CNTNAP2: variants seen among roughly 807,000 people sequenced by gnomAD.
CNTNAP2 encodes the protein contactin associated protein 2.
CNTNAP2 carries 98 observed loss-of-function variants against 155.2 expected under a neutral mutation model. That is an observed-to-expected ratio of 0.63 (90% CI 0.54 to 0.75). The LOEUF (loss-of-function observed/expected upper bound fraction) is 0.75. Ranked by LOEUF, CNTNAP2 falls within the 30% of genes least tolerant of loss-of-function variation. The pLI is 0.00. For synonymous variants in CNTNAP2, 651 were observed against 631.2 expected (o/e 1.03, Z -0.47); for missense variants, 1,727 against 1,688.1 (o/e 1.02, Z -0.40).
chr7:146,932,329 C>G (rs1314097952), intron 3 of CNTNAP2, among the ~76,000 whole-genome samples: 283 of 151,304 alleles, frequency 1.9e-3, no homozygotes, highest in African/African-American at 6.0e-3. Context: ...GAACCAAAGA[C>G]AAAAACCACA....
At chr7:146,455,677 C>T (rs955140768) in intron 1 of CNTNAP2, among the ~76,000 whole-genome samples, 2 of 152,272 alleles carry the variant, frequency 1.3e-5, no homozygotes, top group Admixed American at 1.3e-4. Context: ...AATAAAAACT[C>T]ATTTTACAGT....
At chr7:147,711,863 A>T (rs1469723208) in intron 13 of CNTNAP2, among the ~76,000 whole-genome samples, 1 of 152,144 alleles carries the variant, frequency 6.6e-6, no homozygotes, top group African/African-American at 2.4e-5. Flanking sequence ...TATGCTGGGG[A>T]CACTACTTCA....
intron 1 of CNTNAP2, among the ~76,000 whole-genome samples, chr7:146,132,083 A>G (rs925905311): frequency 2.0e-5 from 3 of 152,206 alleles, no homozygotes; most frequent in Non-Finnish European, 4.4e-5. Context: ...CATTGCGAGA[A>G]TGGACTAATA....
intron 3 of CNTNAP2, among the ~76,000 whole-genome samples, chr7:146,840,993 T>A (rs1033153574): frequency 1.3e-5 from 2 of 152,228 alleles, no homozygotes; most frequent in Admixed American, 6.5e-5. Flanking sequence ...AAAATGCCTC[T>A]TTCTAAAATG....
intron 1 of CNTNAP2, among the ~76,000 whole-genome samples, chr7:146,277,071 GT>G (rs1490555795): frequency 6.6e-6 from 1 of 152,088 alleles, no homozygotes; most frequent in African/African-American, 2.4e-5. Flanking sequence ...AGACAGAAAG[GT>G]AGAGGACACA....
At chr7:147,715,039 C>CCCTGAT (rs1422250722) in intron 13 of CNTNAP2, among the ~76,000 whole-genome samples, 5 of 151,952 alleles carry the variant, frequency 3.3e-5, no homozygotes, top group Non-Finnish European at 7.4e-5. Context: ...GAGTAGTATT[C>CCCTGAT]CCTGATATGC....
intron 22 of CNTNAP2, among the ~76,000 whole-genome samples, chr7:148,386,125 T>C (rs558781523): frequency 1.3e-5 from 2 of 152,364 alleles, no homozygotes; most frequent in African/African-American, 2.4e-5. Context: ...GCCTGTGCTA[T>C]GTAACATGAG....
intron 8 of CNTNAP2, among the ~76,000 whole-genome samples, chr7:147,187,545 A>G (rs1472459444): frequency 6.6e-6 from 1 of 152,144 alleles, no homozygotes; most frequent in Non-Finnish European, 1.5e-5. Context: ...CCCACTTGTA[A>G]GTGGGAACTA....
At chr7:147,613,209 G>A (rs1397234466) in intron 12 of CNTNAP2, among the ~76,000 whole-genome samples, 2 of 152,072 alleles carry the variant, frequency 1.3e-5, no homozygotes, top group African/African-American at 2.4e-5. Context: ...AAACCTCATT[G>A]TAGTTCTTCT....
chr7:148,056,675 T>G (rs941617723), intron 15 of CNTNAP2: 1 of 152,140 alleles, frequency 6.6e-6, no homozygotes, highest in African/African-American at 2.4e-5. Context: ...ATTGATGGGG[T>G]AAGTTTTTTT....
chr7:146,663,504 T>C lies in CNTNAP2; in HGVS notation c.98-110767T>C, dbSNP rs188089925. ...TTGACAATCTAACAATATTGAGTCTTCCCAAATATCGGTCTATTATATAGC... is the reference window on the plus strand; with the variant it reads ...TTGACAATCTAACAATATTGAGTCTCCCCAAATATCGGTCTATTATATAGC... On this transcript the variant is annotated intron_variant, in intron 1 of 23. Coordinates refer to ENST00000361727, the MANE Select transcript of CNTNAP2 (RefSeq NM_014141.6). 1.2e-4 allele frequency among the ~76,000 whole-genome samples: 19 copies of C among 152,102 alleles called. No individual in the cohort carries two copies. The East Asian group carries it at 1.9e-3, about 15-fold the overall frequency.
chr7:147,385,586 TC>T (rs1202824777), intron 9 of CNTNAP2, among the ~76,000 whole-genome samples: 1 of 152,242 alleles, frequency 6.6e-6, no homozygotes, highest in African/African-American at 2.4e-5. Context: ...CCAAAATGTG[TC>T]CTTTGACTTC....
intron 3 of CNTNAP2, among the ~76,000 whole-genome samples, chr7:146,887,429 G>A (rs551998209): frequency 2.0e-5 from 3 of 152,132 alleles, no homozygotes; most frequent in Admixed American, 1.3e-4. Context: ...TTGGGAGGCC[G>A]AGGCAGCGGA....
intron 10 of CNTNAP2, among the ~76,000 whole-genome samples, chr7:147,401,687 T>A (rs955571266): frequency 6.6e-6 from 1 of 152,126 alleles, no homozygotes; most frequent in Non-Finnish European, 1.5e-5. Context: ...GGGGGTGGAT[T>A]TCCCCCTTAC....
At chr7:146,131,225 C>A (rs1229761753) in intron 1 of CNTNAP2, among the ~76,000 whole-genome samples, 2 of 152,130 alleles carry the variant, frequency 1.3e-5, no homozygotes, top group African/African-American at 4.8e-5. Context: ...CTATGTTCTA[C>A]TGTTTCAAAA....
At chr7:147,185,227 A>G (rs984051579) in intron 8 of CNTNAP2, among the ~76,000 whole-genome samples, 3 of 152,210 alleles carry the variant, frequency 2.0e-5, no homozygotes, top group Admixed American at 6.5e-5. Flanking sequence ...AAATGTTAAT[A>G]AAAAGACCAA....
intron 21 of CNTNAP2, among the ~76,000 whole-genome samples, chr7:148,275,666 A>G (rs1483586877): frequency 6.6e-6 from 1 of 152,218 alleles, no homozygotes; most frequent in Non-Finnish European, 1.5e-5. Flanking sequence ...GCCACGAGCC[A>G]GGGGCTGAGT....
At position 147,669,314 on chromosome 7, in the gene CNTNAP2, C is replaced by T. The variant is rs568029419; in HGVS notation, c.2098+30008C>T. Among the ~76,000 whole-genome samples, 235 of 152,180 alleles carry T rather than the reference C, an allele frequency of 1.5e-3. 1 individual carries two copies. Among genetic ancestry groups the T allele is most frequent in the Admixed American group, 5.4e-3 (83 of 15,290 alleles). On this transcript the variant is annotated intron_variant, in intron 13 of 23. Transcript: ENST00000361727. Reference sequence around the variant, plus strand: ...AAAACAAATAAATACACTTATGCCCCATAAATGTTAATGTGAAAATCATAT... The same window carrying T: ...AAAACAAATAAATACACTTATGCCCTATAAATGTTAATGTGAAAATCATAT...
chr7:146,881,972 T>A (rs976022298), intron 3 of CNTNAP2, among the ~76,000 whole-genome samples: 17 of 151,978 alleles, frequency 1.1e-4, no homozygotes, highest in Non-Finnish European at 2.1e-4. Flanking sequence ...CCTTCTCTCC[T>A]TCCTCTGCTG....
Sources: gnomAD v4.1 joint callset for allele counts (sites outside exome capture counted in the v4.1 genomes callset) on GRCh38, gnomAD v4.1.1 for gene constraint, MANE v1.5 for transcripts, NCBI Gene and HGNC (gene_info 2026-07-23, HGNC 2026-07-21) for gene names.